PTPRD: variants seen among roughly 807,000 people sequenced by gnomAD.
PTPRD encodes the protein receptor-type tyrosine-protein phosphatase delta.
In PTPRD, 34 loss-of-function variants were observed where a neutral mutation model predicts 214.5. That is an observed-to-expected ratio of 0.16 (90% CI 0.12 to 0.21). The LOEUF is 0.21. PTPRD is among the 10% of genes least tolerant of loss of function. The pLI, the probability that PTPRD is intolerant of heterozygous loss-of-function variation, is 1.00. For synonymous variants in PTPRD, 1,128 were observed against 845.7 expected (o/e 1.33, Z -5.79); for missense variants, 2,545 against 2,398.7 (o/e 1.06, Z -1.27).
At chr9:10,602,704 A>G (rs2078284120) in intron 2 of PTPRD, among the ~76,000 whole-genome samples, 1 of 151,876 alleles carries the variant, frequency 6.6e-6, no homozygotes. Context: ...CACCACAAAT[A>G]ATTGTAATTA....
At chr9:8,781,246 C>A (rs1242603131) in intron 11 of PTPRD, among the ~76,000 whole-genome samples, 1 of 152,166 alleles carries the variant, frequency 6.6e-6, no homozygotes, top group Non-Finnish European at 1.5e-5. Flanking sequence ...CACTCTTTAT[C>A]TAAAGAATCT....
intron 5 of PTPRD, among the ~76,000 whole-genome samples, chr9:9,883,062 G>C (rs997747547): frequency 6.6e-6 from 1 of 152,106 alleles, no homozygotes; most frequent in African/African-American, 2.4e-5. Flanking sequence ...TGCTTGTACA[G>C]CCTTCAGAAC....
At chr9:10,123,639 GA>G (rs1309753766) in intron 3 of PTPRD, among the ~76,000 whole-genome samples, 1 of 152,126 alleles carries the variant, frequency 6.6e-6, no homozygotes, top group East Asian at 1.9e-4. Context: ...AAAGATGAGG[GA>G]AAAACGTGGG....
At chr9:10,238,980 G>A (rs946531666) in intron 3 of PTPRD, among the ~76,000 whole-genome samples, 2 of 151,920 alleles carry the variant, frequency 1.3e-5, no homozygotes, top group East Asian at 2.0e-4. Context: ...CCTGCACATC[G>A]AAGAAGGCTT....
At chr9:9,547,918 T>G (rs2079187518) in intron 8 of PTPRD, among the ~76,000 whole-genome samples, 1 of 151,842 alleles carries the variant, frequency 6.6e-6, no homozygotes, top group African/African-American at 2.4e-5. Flanking sequence ...AAAGGCTTAT[T>G]ATATCAAAGA....
rs2135641428 is a variant in PTPRD, at chr9:8,389,271, G to T, written c.4347C>A (p.Ala1449=). 1 of 1,612,070 alleles carries T rather than the reference G, an allele frequency of 6.2e-7. No homozygotes were observed. Residue 1449 remains alanine, a synonymous_variant, in exon 37 of 46, where the codon GCC becomes GCA. Transcript: ENST00000381196. ...CTAGTTTTGTCATCATGACAACTGT[G>T]GCACTCCGTTGTTCCCATATCATTC... ...FWRMIWEQRS[A]TVVMMTKLEE...
intron 10 of PTPRD, among the ~76,000 whole-genome samples, chr9:9,103,104 T>C (rs929063199): frequency 2.0e-5 from 3 of 152,230 alleles, no homozygotes; most frequent in Admixed American, 6.5e-5. Context: ...TAGAACTTCC[T>C]AGCTCTTTTG....
intron 8 of PTPRD, among the ~76,000 whole-genome samples, chr9:9,524,253 T>C (rs954243520): frequency 6.6e-5 from 10 of 152,122 alleles, no homozygotes; most frequent in African/African-American, 2.4e-4. Context: ...ACCAACAGTT[T>C]GTTTCTTTCC....
At chr9:8,997,521 G>A (rs1169856354) in intron 11 of PTPRD, among the ~76,000 whole-genome samples, 1 of 152,036 alleles carries the variant, frequency 6.6e-6, no homozygotes, top group Non-Finnish European at 1.5e-5. Context: ...ACTGACAAAT[G>A]TGAGTGTGCG....
At chr9:8,919,823 C>T (rs567339021) in intron 11 of PTPRD, among the ~76,000 whole-genome samples, 5 of 126,556 alleles carry the variant, frequency 4.0e-5, no homozygotes, top group African/African-American at 1.0e-4. Context: ...TACATGCACC[C>T]ATACATGCAT....
intron 2 of PTPRD, among the ~76,000 whole-genome samples, chr9:10,367,079 T>G (rs869253659): frequency 7.5e-6 from 1 of 133,180 alleles, no homozygotes; most frequent in Non-Finnish European, 1.6e-5. Flanking sequence ...CAGACAAACA[T>G]AAAAAAAAAA....
intron 8 of PTPRD, among the ~76,000 whole-genome samples, chr9:9,453,987 T>C (rs944178448): frequency 2.0e-5 from 3 of 151,932 alleles, no homozygotes; most frequent in East Asian, 3.9e-4. Flanking sequence ...CATATTTCCA[T>C]GTCATCCTCT....
At chr9:10,060,912 C>A (rs997239437) in intron 3 of PTPRD, among the ~76,000 whole-genome samples, 12 of 111,352 alleles carry the variant, frequency 1.1e-4, no homozygotes, top group Admixed American at 9.6e-4. Context: ...TTCTTTCTTT[C>A]TTTCTTTCTT....
chr9:9,245,192 C>A (rs936650022), intron 9 of PTPRD, among the ~76,000 whole-genome samples: 1 of 152,112 alleles, frequency 6.6e-6, no homozygotes, highest in Non-Finnish European at 1.5e-5. Context: ...GTTGGTGGGA[C>A]TGTAAACTAG....
intron 2 of PTPRD, among the ~76,000 whole-genome samples, chr9:10,604,192 T>C (rs1158817796): frequency 2.6e-5 from 4 of 151,674 alleles, no homozygotes; most frequent in Admixed American, 1.3e-4. Context: ...GACCATATTC[T>C]GACCTAGCTT....
intron 8 of PTPRD, among the ~76,000 whole-genome samples, chr9:9,438,862 A>G (rs2086363013): frequency 6.6e-6 from 1 of 152,156 alleles, no homozygotes; most frequent in African/African-American, 2.4e-5. Context: ...TCATTTGTAT[A>G]AATGTAAGTT....
chr9:8,440,185 AC>A (rs1205135985), intron 34 of PTPRD, among the ~76,000 whole-genome samples: 4 of 151,222 alleles, frequency 2.6e-5, no homozygotes, highest in Non-Finnish European at 5.9e-5. Context: ...CCTCTCTAAC[AC>A]CCCATTAGCA....
At chr9:10,030,734 G>T (rs531782366) in intron 4 of PTPRD, among the ~76,000 whole-genome samples, 1 of 152,242 alleles carries the variant, frequency 6.6e-6, no homozygotes, top group African/African-American at 2.4e-5. Context: ...TTGATCAATG[G>T]TATCCTGTGT....
intron 9 of PTPRD, among the ~76,000 whole-genome samples, chr9:9,238,916 G>A (rs182820754): frequency 1.8e-4 from 28 of 152,126 alleles, no homozygotes; most frequent in African/African-American, 4.8e-4. Context: ...GACCCTCTGC[G>A]TACTTCCCTA....
Sources: allele counts gnomAD v4.1 joint callset (sites outside exome capture counted in the v4.1 genomes callset), GRCh38; gene constraint gnomAD v4.1.1; transcripts MANE v1.5; gene names NCBI Gene and HGNC (gene_info 2026-07-23, HGNC 2026-07-21).